The following TTLL11 variants were observed in gnomAD, a reference collection of about 807,000 sequenced individuals.
TTLL11 encodes tubulin tyrosine ligase like 11.
Under a neutral mutation model 51.7 loss-of-function variants are expected in TTLL11, and 42 were observed. The ratio of observed to expected loss-of-function variants is 0.81; its 90% CI spans 0.64 to 1.05. The LOEUF (loss-of-function observed/expected upper bound fraction) is 1.05, where lower values mean the gene tolerates loss of function less well. Ranked by LOEUF, TTLL11 falls within the 50% of genes least tolerant of loss-of-function variation. The pLI is 0.00. For synonymous variants in TTLL11, 381 were observed against 383.5 expected (o/e 0.99, Z 0.08); for missense variants, 799 against 940.4 (o/e 0.85, Z 1.97).
intron 6 of TTLL11, among the ~76,000 whole-genome samples, chr9:121,921,977 C>T (rs897006023): frequency 6.6e-6 from 1 of 152,188 alleles, no homozygotes; most frequent in African/African-American, 2.4e-5. Context: ...AACTTTTCAT[C>T]TGTGCTTCAA....
chr9:121,867,425 C>T (rs1243688431), intron 7 of TTLL11, among the ~76,000 whole-genome samples: 1 of 152,166 alleles, frequency 6.6e-6, no homozygotes, highest in African/African-American at 2.4e-5. Context: ...TGCTTCCTGC[C>T]TAACCTGTAG....
intron 6 of TTLL11, among the ~76,000 whole-genome samples, chr9:121,952,444 C>CAAAA (rs67882979): frequency 1.4e-4 from 17 of 121,908 alleles, no homozygotes; most frequent in Admixed American, 1.7e-4. Flanking sequence ...GACTCCGCCT[C>CAAAA]AAAAAAAAAA....
At chr9:122,004,312 C>T (rs1272040939) in intron 3 of TTLL11, among the ~76,000 whole-genome samples, 4 of 151,828 alleles carry the variant, frequency 2.6e-5, no homozygotes, top group Non-Finnish European at 5.9e-5. Flanking sequence ...GAGAAAGAAA[C>T]TAATATGCAT....
intron 1 of TTLL11, among the ~76,000 whole-genome samples, chr9:122,041,299 G>A (rs79675390): frequency 0.04 from 6,032 of 152,144 alleles, 388 homozygotes; most frequent in African/African-American, 0.14. Flanking sequence ...AAAACTGTCC[G>A]CTTACACAGC....
chr9:121,996,750 C>T (rs149634768), intron 3 of TTLL11, among the ~76,000 whole-genome samples: 1 of 152,316 alleles, frequency 6.6e-6, no homozygotes, highest in African/African-American at 2.4e-5. Flanking sequence ...TCAGAAGAAA[C>T]CTTGGAATAA....
At chr9:121,865,862 T>A (rs1420390256) in intron 7 of TTLL11, among the ~76,000 whole-genome samples, 1 of 152,246 alleles carries the variant, frequency 6.6e-6, no homozygotes, top group Non-Finnish European at 1.5e-5. Context: ...TATTTCTTAT[T>A]TCTTGGTGAA....
intron 3 of TTLL11, among the ~76,000 whole-genome samples, chr9:121,991,615 A>G (rs1328672115): frequency 2.0e-5 from 3 of 152,250 alleles, no homozygotes; most frequent in Non-Finnish European, 4.4e-5. Flanking sequence ...CGAAGACACT[A>G]ACAGTTCAAT....
At chr9:122,079,572 G>C (rs1471722965) in intron 1 of TTLL11, among the ~76,000 whole-genome samples, 2 of 152,012 alleles carry the variant, frequency 1.3e-5, no homozygotes, top group Non-Finnish European at 2.9e-5. Flanking sequence ...AGCTGGGCGT[G>C]GTGGCGGGCG....
chr9:121,918,293 C>T (rs752191465), intron 6 of TTLL11, among the ~76,000 whole-genome samples: 4 of 152,086 alleles, frequency 2.6e-5, no homozygotes, highest in Non-Finnish European at 4.4e-5. Context: ...AGAGCATTGA[C>T]CAGAGAAACC....
At chr9:121,891,919 T>C (rs1014395410) in intron 6 of TTLL11, among the ~76,000 whole-genome samples, 10 of 149,782 alleles carry the variant, frequency 6.7e-5, no homozygotes, top group Admixed American at 1.3e-4. Flanking sequence ...TATACGTGTG[T>C]GTATATATAT....
intron 6 of TTLL11, among the ~76,000 whole-genome samples, chr9:121,964,703 C>T (rs1387547534): frequency 2.0e-5 from 3 of 152,156 alleles, no homozygotes; most frequent in African/African-American, 2.4e-5. Flanking sequence ...CTCCTGCCTA[C>T]CTGAACTCCT....
At chr9:121,880,067 T>C (rs1838726040) in intron 6 of TTLL11, among the ~76,000 whole-genome samples, 2 of 152,168 alleles carry the variant, frequency 1.3e-5, no homozygotes, top group Non-Finnish European at 2.9e-5. Flanking sequence ...AATGAAAAGC[T>C]CAGACTCTTC....
rs148206773 is a variant in TTLL11 at position 122,042,702 on chromosome 9, T to C, written c.463-3334A>G. On this transcript the variant is annotated intron_variant, in intron 1 of 8. Coordinates refer to ENST00000321582, the MANE Select transcript of TTLL11 (RefSeq NM_001139442.2). ...GTCCTTCAGTAGGTGAGTCCTTCTGTAGGTGAGTAGATAAATAAACTACAG... is the reference window on the plus strand; with the variant it reads ...GTCCTTCAGTAGGTGAGTCCTTCTGCAGGTGAGTAGATAAATAAACTACAG... 9.2e-5 allele frequency among the ~76,000 whole-genome samples: 14 copies of C among 152,290 alleles called. 1 individual carries two copies. The highest frequency in any genetic ancestry group is 2.9e-4 in the African/African-American group (12 of 41,558).
At chr9:121,867,796 C>T (rs1461963476) in intron 7 of TTLL11, among the ~76,000 whole-genome samples, 2 of 152,090 alleles carry the variant, frequency 1.3e-5, no homozygotes, top group Non-Finnish European at 2.9e-5. Flanking sequence ...CGCCCTGTGA[C>T]TCTACGAAAA....
In TTLL11 at chr9:121,890,989, G is replaced by A. The variant is rs1008585035; in HGVS notation, c.1482-20241C>T. Among the ~76,000 whole-genome samples, 6 of 152,216 alleles carry A rather than the reference G, an allele frequency of 3.9e-5. No individual in the cohort carries two copies. Among genetic ancestry groups the A allele is most frequent in the African/African-American group, 1.4e-4 (6 of 41,458 alleles). On this transcript the variant is annotated intron_variant, in intron 6 of 8. Transcript: ENST00000321582. The surrounding 1 kb of genome is among the most constrained non-coding windows in gnomAD (Gnocchi z 4.3). ...AGACAAAGACCCTAAGCCTTTGCAT[G>A]AAACTGGCCTCTGCCTGGAACTTCA...
At chr9:121,844,250 T>G (rs1331421684) in intron 8 of TTLL11, among the ~76,000 whole-genome samples, 1 of 151,926 alleles carries the variant, frequency 6.6e-6, no homozygotes, top group Non-Finnish European at 1.5e-5. Flanking sequence ...AAGAAAAAGA[T>G]TCCATTTAAG....
At chr9:121,941,255 C>T (rs527867376) in intron 6 of TTLL11, among the ~76,000 whole-genome samples, 1 of 152,284 alleles carries the variant, frequency 6.6e-6, no homozygotes, top group East Asian at 1.9e-4. Context: ...TGCAAAATGC[C>T]TTTTGCACTG....
chr9:121,867,124 A>G (rs1838203377), intron 7 of TTLL11, among the ~76,000 whole-genome samples: 2 of 152,220 alleles, frequency 1.3e-5, no homozygotes, highest in Non-Finnish European at 2.9e-5. Flanking sequence ...GAGTCATAGC[A>G]GTCCTCTTAA....
chr9:121,964,706 G>A (rs1382459804), intron 6 of TTLL11, among the ~76,000 whole-genome samples: 1 of 152,006 alleles, frequency 6.6e-6, no homozygotes, highest in Non-Finnish European at 1.5e-5. Flanking sequence ...CTGCCTACCT[G>A]AACTCCTCGA....
Sources: allele counts gnomAD v4.1 joint callset (sites outside exome capture counted in the v4.1 genomes callset), GRCh38; gene constraint gnomAD v4.1.1; non-coding constraint Gnocchi (gnomAD v3.1); transcripts MANE v1.5; gene names NCBI Gene and HGNC (gene_info 2026-07-23, HGNC 2026-07-21).